The following RHPN2 variants were observed in gnomAD, a reference collection of about 807,000 sequenced individuals.
RHPN2 encodes the protein rhophilin Rho GTPase binding protein 2.
A neutral mutation model predicts 79.0 loss-of-function variants in RHPN2; 40 were observed. That is an observed-to-expected ratio of 0.51 (90% CI 0.39 to 0.66). The LOEUF (loss-of-function observed/expected upper bound fraction) is 0.66, where lower values mean the gene tolerates loss of function less well. RHPN2 is among the 30% of genes least tolerant of loss of function. The pLI, the probability that RHPN2 is intolerant of heterozygous loss-of-function variation, is 0.00. For missense variants in RHPN2, 686 were observed against 883.5 expected (o/e 0.78, Z 2.83); for synonymous variants, 285 against 363.5 (o/e 0.78, Z 2.46).
chr19:33,030,978 T>C (rs1972006026), intron 2 of RHPN2, among the ~76,000 whole-genome samples: 1 of 152,060 alleles, frequency 6.6e-6, no homozygotes, highest in Admixed American at 6.6e-5. Context: ...CACTGCCACC[T>C]CCTCAGGTTT....
In RHPN2 at chr19:33,059,688, T is replaced by G. The variant is rs578160834; in HGVS notation, c.69+5096A>C. 4.6e-5 allele frequency among the ~76,000 whole-genome samples: 7 copies of G among 152,180 alleles called. No individual in the cohort carries two copies. The South Asian group carries it at 1.5e-3, about 32-fold the overall frequency. On this transcript the variant is annotated intron_variant, in intron 1 of 14. Transcript: ENST00000254260. ...CAGCTCCCCTCTTTCTCCAGCAATATCTTCCCTGCCCTTCTCCCCCTGTAC... is the reference window on the plus strand; with the variant it reads ...CAGCTCCCCTCTTTCTCCAGCAATAGCTTCCCTGCCCTTCTCCCCCTGTAC...
chr19:32,997,788 G>C (rs1458095987), intron 10 of RHPN2, among the ~76,000 whole-genome samples: 1 of 152,164 alleles, frequency 6.6e-6, no homozygotes, highest in Non-Finnish European at 1.5e-5. Flanking sequence ...ACCACACCCG[G>C]CCAAGGAAAG....
intron 1 of RHPN2, among the ~76,000 whole-genome samples, chr19:33,052,995 G>A (rs1334789434): frequency 1.3e-5 from 2 of 149,030 alleles, no homozygotes; most frequent in East Asian, 2.0e-4. Context: ...TTTTTGAGAC[G>A]AAGTCTTGCT....
chr19:33,012,041 T>C (rs1015063559), intron 5 of RHPN2, among the ~76,000 whole-genome samples: 8 of 147,066 alleles, frequency 5.4e-5, no homozygotes, highest in African/African-American at 9.9e-5. Flanking sequence ...TTTCCTTCTT[T>C]TTTTTTTTTT....
intron 6 of RHPN2, 38 bp downstream of exon 6, chr19:33,011,641 T>C: frequency 6.2e-7 from 1 of 1,613,688 alleles, no homozygotes; most frequent in Non-Finnish European, 8.5e-7. Context: ...GTGGCTGCCA[T>C]AACACGTGAA....
At chr19:32,992,751 C>T (rs1264086939) in intron 12 of RHPN2, among the ~76,000 whole-genome samples, 1 of 148,666 alleles carries the variant, frequency 6.7e-6, no homozygotes, top group Non-Finnish European at 1.5e-5. Context: ...TTCGAGGCTG[C>T]AGTGAACTAT....
chr19:33,060,773 C>A (rs2145275906), intron 1 of RHPN2, among the ~76,000 whole-genome samples: 1 of 152,242 alleles, frequency 6.6e-6, no homozygotes, highest in East Asian at 1.9e-4. Flanking sequence ...CTCAAGCAAT[C>A]CTCCCACCTT....
At chr19:33,013,942 G>A (rs1049769453) in intron 4 of RHPN2, among the ~76,000 whole-genome samples, 8 of 151,648 alleles carry the variant, frequency 5.3e-5, no homozygotes, top group Non-Finnish European at 1.2e-4. Flanking sequence ...TGGTGCGATC[G>A]CGGCTCACTG....
At chr19:33,046,091 C>CCATTCATCATTCAT (rs61259305) in intron 1 of RHPN2, among the ~76,000 whole-genome samples, 3 of 151,452 alleles carry the variant, frequency 2.0e-5, no homozygotes, top group African/African-American at 4.9e-5. Flanking sequence ...TGTACTTTAT[C>CCATTCATCATTCAT]CATTCATCAT....
Position 32,985,481 on chromosome 19 carries a change from C to T in RHPN2, c.1800+5033G>A, listed in dbSNP as rs576357076. Among the ~76,000 whole-genome samples, 108 of 152,058 alleles carry T rather than the reference C, an allele frequency of 7.1e-4. 4 individuals are homozygous for T. Among genetic ancestry groups the T allele is most frequent in the Admixed American group, 5.6e-3 (86 of 15,256 alleles). On this transcript the variant is annotated intron_variant, in intron 14 of 14. Coordinates refer to ENST00000254260, the MANE Select transcript of RHPN2 (RefSeq NM_033103.5). ...TGAAGCCCCGTCTCTACAAAAAATA[C>T]GAAAAATTAGCTGGGTATGGTGTTC...
At chr19:33,027,066 G>C (rs191254891) in intron 2 of RHPN2, 44 of 292,786 alleles carry the variant, frequency 1.5e-4, no homozygotes, top group African/African-American at 8.7e-4. Flanking sequence ...AGACCAGCCT[G>C]GCCAACATAT....
In RHPN2 at chr19:33,040,507, G is replaced by A. The variant is rs958981783; in HGVS notation, c.185+3742C>T. Among the ~76,000 whole-genome samples the A allele has an allele frequency of 4.3e-4, 65 of 151,974 alleles. 1 individual carries two copies. The highest frequency in any genetic ancestry group is 1.5e-3 in the African/African-American group (63 of 41,384). ...CCCACCTCGGCCTCCCAAAATGCTG[G>A]AATTACAGAAGTGAGCCACAGTGCT... On this transcript the variant is annotated intron_variant, in intron 2 of 14. Transcript: ENST00000254260.
chr19:33,013,505 T>C (rs1971853841), intron 4 of RHPN2, among the ~76,000 whole-genome samples: 1 of 152,166 alleles, frequency 6.6e-6, no homozygotes, highest in Non-Finnish European at 1.5e-5. Flanking sequence ...CCTATGTTTT[T>C]AAATGTTGTG....
chr19:32,981,153 T>C (rs536985846), intron 14 of RHPN2, among the ~76,000 whole-genome samples: 1 of 152,218 alleles, frequency 6.6e-6, no homozygotes, highest in South Asian at 2.1e-4. Flanking sequence ...AGGAATGTAC[T>C]CAATAGTAAC....
chr19:32,996,265 G>C, intron 10 of RHPN2, 45 bp from the exon 11 acceptor site: 1 of 1,610,454 alleles, frequency 6.2e-7, no homozygotes, highest in African/African-American at 1.3e-5. Flanking sequence ...GATCCACCAA[G>C]CAGAGCATAA....
chr19:33,019,651 C>T (rs1971907324), intron 4 of RHPN2, among the ~76,000 whole-genome samples: 1 of 151,982 alleles, frequency 6.6e-6, no homozygotes, highest in Non-Finnish European at 1.5e-5. Flanking sequence ...ATAGTACCAG[C>T]TACTCAGGAG....
chr19:33,050,633 C>A (rs10425798), intron 1 of RHPN2, among the ~76,000 whole-genome samples: 1 of 151,968 alleles, frequency 6.6e-6, no homozygotes, highest in African/African-American at 2.4e-5. Context: ...TGCTCAATAC[C>A]ATGTTTTCAG....
chr19:32,989,901 G>A (rs573697023), intron 14 of RHPN2, among the ~76,000 whole-genome samples: 64 of 152,242 alleles, frequency 4.2e-4, no homozygotes, highest in African/African-American at 1.5e-3. Context: ...TCAGGAGATC[G>A]AGTCCAGCCT....
Position 33,064,846 on chromosome 19 carries a change from C to G in RHPN2, c.7G>C (p.Asp3His). Reference protein sequence around the residue: MTDALLPAAPQPL... With the variant: MTHALLPAAPQPL... ...TGGGGGGCCGCGGGCAACAGCGCGT[C>G]GGTCATGCTAGCGGCGCGGGCGCGG... The change falls in exon 1 of 15, where the codon GAC (aspartate) becomes CAC (histidine). Residue 3 changes from aspartate (D) to histidine (H), a missense_variant. Asp to His is a moderately conservative substitution (Grantham distance 81). Coordinates refer to ENST00000254260, the MANE Select transcript of RHPN2 (RefSeq NM_033103.5). 1.3e-6 allele frequency: 2 copies of G among 1,514,488 alleles called. No homozygotes were observed. Among genetic ancestry groups the G allele is most frequent in the South Asian group, 1.2e-5 (1 of 82,176 alleles). The allele number at this position is 1,514,488 out of a possible 1,614,324, so 93.8% of individuals were successfully genotyped here.
Sources: gnomAD v4.1 joint callset for allele counts (sites outside exome capture counted in the v4.1 genomes callset) on GRCh38, gnomAD v4.1.1 for gene constraint, MANE v1.5 for transcripts, NCBI Gene and HGNC (gene_info 2026-07-23, HGNC 2026-07-21) for gene names.